The following TMEM221 variants were observed in gnomAD, a reference collection of about 807,000 sequenced individuals.
TMEM221 encodes the protein Putative transmembrane protein ENSP00000342162.
Under a neutral mutation model 10.2 loss-of-function variants are expected in TMEM221, and 11 were observed. That is an observed-to-expected ratio of 1.08 (90% CI 0.68 to 1.79). The LOEUF (loss-of-function observed/expected upper bound fraction) is 1.79. Among genes scored for constraint, TMEM221 ranks in the 40% most tolerant of loss-of-function variants. The probability of loss-of-function intolerance (pLI) is 0.00; values close to 1 mark genes in which losing one functional copy is unlikely to be tolerated. For synonymous variants in TMEM221, 172 were observed against 199.8 expected (o/e 0.86, Z 1.18); for missense variants, 382 against 417.7 (o/e 0.91, Z 0.75).
At chr19:17,444,796 T>TTTTA (rs1555738590) in intron 2 of TMEM221, 38 of 129,424 alleles carry the variant, frequency 2.9e-4, no homozygotes, top group Admixed American at 1.4e-3. Context: ...TAAATATATA[T>TTTTA]TATATATATA....
chr19:17,442,442 C>CT (rs35930067), intron 2 of TMEM221, among the ~76,000 whole-genome samples: 39,058 of 137,360 alleles, frequency 0.28, 6,472 homozygotes, highest in Middle Eastern at 0.39. Context: ...TCTTTTCTTT[C>CT]TTTTTTTTTT....
Position 17,448,526 on chromosome 19 carries a change from A to C in TMEM221, c.-64T>G. On this transcript the variant is annotated 5_prime_UTR_variant, in exon 1 of 3. Transcript: ENST00000341130. The surrounding 1 kb of genome is among the most constrained non-coding windows in gnomAD (Gnocchi z 4.7). ...TTGAAGTGGTTTTAGAGGGCAGGGGAGTTGGGGGGAATCCGAGGGTCCTCA... is the reference window on the plus strand; with the variant it reads ...TTGAAGTGGTTTTAGAGGGCAGGGGCGTTGGGGGGAATCCGAGGGTCCTCA... 1 of 1,191,502 alleles carries C rather than the reference A, an allele frequency of 8.4e-7. No individual in the cohort carries two copies. The allele number at this position is 1,191,502 out of a possible 1,614,324, so 73.8% of individuals were successfully genotyped here. A position where few individuals can be genotyped will look rare whatever the true frequency, so the allele number is the denominator to read the frequency against.
At chr19:17,439,565 G>GT (rs2074923395) in intron 2 of TMEM221, among the ~76,000 whole-genome samples, 1 of 152,012 alleles carries the variant, frequency 6.6e-6, no homozygotes, top group African/African-American at 2.4e-5. Flanking sequence ...GCACGTGCCT[G>GT]TAATCCCAGC....
At chr19:17,440,997 CAGG>C (rs945765633) in intron 2 of TMEM221, among the ~76,000 whole-genome samples, 7 of 152,192 alleles carry the variant, frequency 4.6e-5, no homozygotes, top group African/African-American at 1.7e-4. Context: ...CACTTGAGGC[CAGG>C]AGTTTGAGAC....
chr19:17,439,844 G>A (rs1179025736), intron 2 of TMEM221, among the ~76,000 whole-genome samples: 4 of 152,030 alleles, frequency 2.6e-5, no homozygotes, highest in East Asian at 1.9e-4. Flanking sequence ...AGATAGTAGC[G>A]ATCGTTGCCT....
chr19:17,440,096 A>C (rs2074925849), intron 2 of TMEM221, among the ~76,000 whole-genome samples: 1 of 151,570 alleles, frequency 6.6e-6, no homozygotes, highest in Non-Finnish European at 1.5e-5. Flanking sequence ...CTGAGGCAGA[A>C]GAATTGCTTG....
intron 2 of TMEM221, among the ~76,000 whole-genome samples, chr19:17,441,455 T>C (rs2074931503): frequency 6.6e-6 from 1 of 152,080 alleles, no homozygotes; most frequent in African/African-American, 2.4e-5. Flanking sequence ...ATCCCTGGTT[T>C]GGTCCCTATC....
intron 2 of TMEM221, among the ~76,000 whole-genome samples, chr19:17,439,770 C>T (rs62125239): frequency 2.7e-3 from 410 of 151,662 alleles, no homozygotes; most frequent in Non-Finnish European, 5.0e-3. Flanking sequence ...GAGGAAGGGG[C>T]AATGGGGAGT....
intron 1 of TMEM221, among the ~76,000 whole-genome samples, chr19:17,446,218 A>G (rs2074952888): frequency 6.6e-6 from 1 of 151,828 alleles, no homozygotes; most frequent in South Asian, 2.1e-4. Flanking sequence ...CCATCCATCC[A>G]TTCATCCTTC....
chr19:17,439,956 G>A (rs1241526948), intron 2 of TMEM221, among the ~76,000 whole-genome samples: 1 of 152,150 alleles, frequency 6.6e-6, no homozygotes, highest in African/African-American at 2.4e-5. Context: ...TTTGGAAGCC[G>A]AGGTGAGAGG....
intron 1 of TMEM221, among the ~76,000 whole-genome samples, chr19:17,445,691 C>A (rs905131801): frequency 6.6e-6 from 1 of 151,712 alleles, no homozygotes; most frequent in Non-Finnish European, 1.5e-5. Flanking sequence ...TTCATCCATT[C>A]ATCCACCCAT....
intron 1 of TMEM221, among the ~76,000 whole-genome samples, chr19:17,445,847 AATTC>A (rs1339579100): frequency 6.7e-6 from 1 of 149,222 alleles, no homozygotes; most frequent in East Asian, 2.0e-4. Context: ...TCCACTTATC[AATTC>A]ATTCATCCAT....
chr19:17,440,417 G>A lies in TMEM221; in HGVS notation c.407-3490C>T, dbSNP rs1219352211. 3.9e-5 allele frequency among the ~76,000 whole-genome samples: 6 copies of A among 152,066 alleles called. No individual in the cohort carries two copies. The East Asian group carries it at 1.2e-3, about 30-fold the overall frequency. On this transcript the variant is annotated intron_variant, in intron 2 of 2. Coordinates refer to ENST00000341130, the MANE Select transcript of TMEM221 (RefSeq NM_001190844.2). ...AATTTTTGTATTTTTAGTAGAGATGGGGTTTCACCTTGTTAGCCAGGATGG... is the reference window on the plus strand; with the variant it reads ...AATTTTTGTATTTTTAGTAGAGATGAGGTTTCACCTTGTTAGCCAGGATGG...
Position 17,448,583 on chromosome 19 carries a change from G to A in TMEM221, c.-121C>T, listed in dbSNP as rs2074962860. 2.9e-6 allele frequency: 2 copies of A among 701,276 alleles called. No homozygotes were observed. The highest frequency in any genetic ancestry group is 3.8e-5 in the African/African-American group (2 of 53,168). 43.4% of individuals were successfully genotyped at this position (701,276 alleles called of 1,614,324 possible). ...CCCCGAGGGGGCGGGGCCGCAGGGA[G>A]TGTCTGAAAGTTCGGGGACTGGGCT... On this transcript the variant is annotated 5_prime_UTR_variant, in exon 1 of 3. Transcript: ENST00000341130. This position sits in a 1 kb window ranked among gnomAD's most constrained non-coding sequence, Gnocchi z 4.7.
At chr19:17,446,114 A>T (rs1484779294) in intron 1 of TMEM221, among the ~76,000 whole-genome samples, 3 of 151,320 alleles carry the variant, frequency 2.0e-5, no homozygotes, top group Non-Finnish European at 4.4e-5. Context: ...ACCCTCTGCT[A>T]TCCTATCTAT....
chr19:17,445,823 C>G (rs2074951087), intron 1 of TMEM221, among the ~76,000 whole-genome samples: 1 of 151,868 alleles, frequency 6.6e-6, no homozygotes, highest in Non-Finnish European at 1.5e-5. Flanking sequence ...TCCATCCACT[C>G]ATTCATTCAT....
chr19:17,437,379 G>A lies in TMEM221; in HGVS notation c.407-452C>T, dbSNP rs1400820506. Reference sequence around the variant, plus strand: ...GATGACAGCTGCAGGGACATGGCAAGTGCAGAGGTCCTGAGGTGGAAACAC... The same window carrying A: ...GATGACAGCTGCAGGGACATGGCAAATGCAGAGGTCCTGAGGTGGAAACAC... On this transcript the variant is annotated intron_variant, in intron 2 of 2. Transcript: ENST00000341130. 2.6e-5 allele frequency among the ~76,000 whole-genome samples: 4 copies of A among 152,332 alleles called. No homozygotes were observed. The East Asian group carries it at 7.7e-4, about 29-fold the overall frequency.
At position 17,436,749 on chromosome 19, in the gene TMEM221, G is replaced by A. The variant is rs960996127; in HGVS notation, c.585C>T (p.Leu195=). 29 of 1,523,698 alleles carry A rather than the reference G, an allele frequency of 1.9e-5. No individual in the cohort carries two copies. In the East Asian group the frequency reaches 3.0e-4, roughly 16 times the overall value. 94.4% of individuals were successfully genotyped at this position (1,523,698 alleles called of 1,614,324 possible). ...CCTTGGAGACTTCGGCAGGGCGGGC[G>A]AGGTCGTCTTCAAAGGATGGCGGGG... is the stretch of plus-strand genomic sequence containing the variant. ...ELSPPSFEDD[L]ARPAEVSKAS... The change falls in exon 3 of 3, where the codon CTC becomes CTT. Residue 195 remains leucine (L), a synonymous_variant. Coordinates refer to ENST00000341130, the MANE Select transcript of TMEM221 (RefSeq NM_001190844.2).
rs1013486569 is a variant in TMEM221, at chr19:17,448,280, C to T, written c.183G>A (p.Glu61=). Residue 61 remains glutamate (E), a synonymous_variant, in exon 1 of 3, where the codon GAG becomes GAA. Coordinates refer to ENST00000341130, the MANE Select transcript of TMEM221 (RefSeq NM_001190844.2). The surrounding 1 kb of genome is among the most constrained non-coding windows in gnomAD (Gnocchi z 4.7). ...QELGAGPGLP[E]DAAGTLLPLA... ...GCGGCAGCAGCGTCCCGGCCGCGTC[C>T]TCTGGCAGCCCGGGGCCGGCGCCCA... 2 of 1,227,374 alleles carry T rather than the reference C, an allele frequency of 1.6e-6. No individual in the cohort carries two copies. Among genetic ancestry groups the T allele is most frequent in the African/African-American group, 1.6e-5 (1 of 63,118 alleles). 76.0% of individuals were successfully genotyped at this position (1,227,374 alleles called of 1,614,324 possible).
Sources: gnomAD v4.1 joint callset for allele counts (sites outside exome capture counted in the v4.1 genomes callset) on GRCh38, gnomAD v4.1.1 for gene constraint, Gnocchi (gnomAD v3.1) non-coding constraint, MANE v1.5 for transcripts, NCBI Gene and HGNC (gene_info 2026-07-23, HGNC 2026-07-21) for gene names.